Variants in RPS6KA3 observed in about 807,000 individuals in gnomAD.
RPS6KA3 encodes the protein ribosomal protein S6 kinase alpha-3.
Under a neutral mutation model 67.2 loss-of-function variants are expected in RPS6KA3, and 4 were observed. The observed-to-expected ratio is 0.06, with a 90% CI of 0.03 to 0.14. The LOEUF (loss-of-function observed/expected upper bound fraction) is 0.14. Ranked by LOEUF, RPS6KA3 falls within the 10% of genes least tolerant of loss-of-function variation. The pLI is 1.00. For synonymous variants in RPS6KA3, 182 were observed against 183.7 expected (o/e 0.99, Z 0.07); for missense variants, 204 against 559.0 (o/e 0.36, Z 6.40).
At chrX:20,233,650 C>A (rs2069331550) in intron 2 of RPS6KA3, among the ~76,000 whole-genome samples, 1 of 110,054 alleles carries the variant, frequency 9.1e-6, no homozygotes, top group African/African-American at 3.3e-5. Flanking sequence ...ACCAAGAAGG[C>A]TGAGGTGGGA....
At chrX:20,248,328 T>G (rs2069758829) in intron 1 of RPS6KA3, among the ~76,000 whole-genome samples, 1 of 112,465 alleles carries the variant, frequency 8.9e-6, no homozygotes, top group African/African-American at 3.2e-5. Flanking sequence ...ATAGTTTTAA[T>G]GAGAATGCCT....
chrX:20,176,565 T>A (rs1310144399), intron 11 of RPS6KA3, 67 bp from the exon 12 acceptor site: 2 of 660,741 alleles, frequency 3.0e-6, no homozygotes, highest in East Asian at 6.8e-5. Context: ...CAGCCTTTGT[T>A]TTCAATACTT....
In RPS6KA3 at chrX:20,161,642, A is replaced by T; in HGVS notation, c.1959+2T>A. Reference sequence around the variant, plus strand: ...AATCTTATAATAGGAAGTGATACTTACCTTTGCTGTGTCTGAAACAGAATT... The same window carrying T: ...AATCTTATAATAGGAAGTGATACTTTCCTTTGCTGTGTCTGAAACAGAATT... On this transcript the variant is annotated splice_donor_variant, in intron 20 of 21. Coordinates refer to ENST00000379565, the MANE Select transcript of RPS6KA3 (RefSeq NM_004586.3). LOFTEE classifies it high-confidence loss of function. The T allele has an allele frequency of 9.6e-7, 1 of 1,045,579 alleles. No individual in the cohort carries two copies. The highest frequency in any genetic ancestry group is 1.3e-6 in the Non-Finnish European group (1 of 754,168). The allele number at this position is 1,045,579 out of a possible 1,213,427, so 86.2% of individuals were successfully genotyped here.
rs2067117275 is a variant in RPS6KA3, at chrX:20,152,408, A to G, written c.*2990T>C. 8.9e-6 allele frequency: 1 copy of G among 112,834 alleles called. No individual in the cohort carries two copies. Among genetic ancestry groups the G allele is most frequent in the African/African-American group, 3.2e-5 (1 of 30,962 alleles). 9.3% of individuals were successfully genotyped at this position (112,834 alleles called of 1,213,427 possible). On this transcript the variant is annotated 3_prime_UTR_variant, in exon 22 of 22. Coordinates refer to ENST00000379565, the MANE Select transcript of RPS6KA3 (RefSeq NM_004586.3). ...GGTAGTGTAATTCATACCTTCCAGT[A>G]CGTGCTTGACAAGCTTAAATTCAAT...
intron 4 of RPS6KA3, 193 bp downstream of exon 4, chrX:20,203,829 C>A: frequency 2.4e-6 from 1 of 408,537 alleles, no homozygotes. Context: ...TATAACGTGG[C>A]AACTCTGGTT....
chrX:20,166,195 C>T lies in RPS6KA3; in HGVS notation c.1603-1135G>A, dbSNP rs2067432165. Among the ~76,000 whole-genome samples, 3 of 112,010 alleles carry T rather than the reference C, an allele frequency of 2.7e-5. No individual in the cohort carries two copies. The South Asian group carries it at 1.1e-3, about 41-fold the overall frequency. On this transcript the variant is annotated intron_variant, in intron 17 of 21. Transcript: ENST00000379565. ...AGCTTCTCTGACATTCCTTTTTAGA[C>T]TTAAGTGTGCCTTCTGTCACCAAAT...
chrX:20,188,573 A>G, intron 7 of RPS6KA3, 39 bp from the exon 8 acceptor site: 1 of 694,880 alleles, frequency 1.4e-6, no homozygotes, highest in Non-Finnish European at 2.3e-6. Context: ...AACACTAAAT[A>G]GAGATTTATA....
intron 1 of RPS6KA3, chrX:20,235,618 T>C (rs1489507272): frequency 2.7e-5 from 3 of 111,065 alleles, no homozygotes; most frequent in African/African-American, 9.8e-5. Flanking sequence ...TTGGTAATGA[T>C]TTACAAAACA....
intron 2 of RPS6KA3, among the ~76,000 whole-genome samples, chrX:20,220,322 CTG>C (rs1243392671): frequency 8.9e-6 from 1 of 111,851 alleles, no homozygotes; most frequent in Non-Finnish European, 1.9e-5. Flanking sequence ...GCCCGGAAAA[CTG>C]TGCACTCCTC....
At chrX:20,161,592 G>T in intron 20 of RPS6KA3, 52 bp downstream of exon 20, 1 of 604,022 alleles carries the variant, frequency 1.7e-6, no homozygotes, top group Non-Finnish European at 2.7e-6. Context: ...TTCTCACTAT[G>T]GATCATAAAA....
chrX:20,155,873 T>C (rs935898159), intron 21 of RPS6KA3, among the ~76,000 whole-genome samples: 3 of 112,399 alleles, frequency 2.7e-5, no homozygotes, highest in Non-Finnish European at 3.8e-5. Context: ...TCTGTCCTTA[T>C]TGATAGTGAA....
chrX:20,188,633 T>A (rs1457157163), intron 7 of RPS6KA3, 99 bp from the exon 8 acceptor site: 1 of 474,223 alleles, frequency 2.1e-6, no homozygotes, highest in Non-Finnish European at 3.8e-6. Flanking sequence ...CCACATTTAC[T>A]CTAAAACATT....
At chrX:20,157,517 A>AG (rs1476190121) in intron 20 of RPS6KA3, among the ~76,000 whole-genome samples, 1 of 109,627 alleles carries the variant, frequency 9.1e-6, no homozygotes, top group Non-Finnish European at 1.9e-5. Flanking sequence ...AAAAAAAAAA[A>AG]AAGACAAAAT....
rs2068661571 is a variant in RPS6KA3, at chrX:20,209,714, G to T, written c.127-310C>A. Among the ~76,000 whole-genome samples, 4 of 111,707 alleles carry T rather than the reference G, an allele frequency of 3.6e-5. No homozygotes were observed. The South Asian group carries it at 1.5e-3, about 41-fold the overall frequency. On this transcript the variant is annotated intron_variant, in intron 2 of 21. Transcript: ENST00000379565. ...TTTCCAAGTCTTCATTCTCTCTACTGGAGATAATTAGAATAGTTTTATTGG... is the reference window on the plus strand; with the variant it reads ...TTTCCAAGTCTTCATTCTCTCTACTTGAGATAATTAGAATAGTTTTATTGG...
At chrX:20,267,036 T>C (rs1444524296), upstream of RPS6KA3, 65 of 751,747 alleles carry the variant, frequency 8.6e-5, no homozygotes, top group Non-Finnish European at 9.4e-5. Context: ...GCCTAAGCGA[T>C]ACCTGTCTCT....
At chrX:20,158,951 T>C (rs1482572469) in intron 20 of RPS6KA3, among the ~76,000 whole-genome samples, 1 of 112,040 alleles carries the variant, frequency 8.9e-6, no homozygotes, top group Non-Finnish European at 1.9e-5. Flanking sequence ...GACAGTTGCC[T>C]GATGGACATA....
At chrX:20,210,931 G>A (rs2068697047) in intron 2 of RPS6KA3, among the ~76,000 whole-genome samples, 1 of 108,650 alleles carries the variant, frequency 9.2e-6, no homozygotes, top group Admixed American at 9.9e-5. Context: ...TGAGACCAAG[G>A]GCTTCAGAGT....
intron 13 of RPS6KA3, among the ~76,000 whole-genome samples, 198 bp from the exon 14 acceptor site, chrX:20,175,486 T>A (rs780873730): frequency 8.9e-6 from 1 of 111,918 alleles, no homozygotes; most frequent in South Asian, 3.7e-4. Flanking sequence ...AACACCAACA[T>A]CCTAGTCCCT....
chrX:20,235,285 T>C (rs1047685771), intron 1 of RPS6KA3, among the ~76,000 whole-genome samples: 1 of 110,792 alleles, frequency 9.0e-6, no homozygotes, highest in Admixed American at 9.6e-5. Context: ...AAAATAAAAT[T>C]GTACAAGTAT....
Sources: allele counts gnomAD v4.1 joint callset (sites outside exome capture counted in the v4.1 genomes callset), GRCh38; gene constraint gnomAD v4.1.1; transcripts MANE v1.5; gene names NCBI Gene and HGNC (gene_info 2026-07-23, HGNC 2026-07-21).